The following DSCAM variants were observed in gnomAD, a reference collection of about 807,000 sequenced individuals.
DSCAM encodes the protein DS cell adhesion molecule.
DSCAM carries 47 observed loss-of-function variants against 217.7 expected under a neutral mutation model. The ratio of observed to expected loss-of-function variants is 0.22; its 90% CI spans 0.17 to 0.28. DSCAM has a LOEUF of 0.28. Ranked by LOEUF, DSCAM falls within the 10% of genes least tolerant of loss-of-function variation. The probability of loss-of-function intolerance (pLI) is 1.00; values close to 1 mark genes in which losing one functional copy is unlikely to be tolerated. For synonymous variants in DSCAM, 1,056 were observed against 1,015.3 expected (o/e 1.04, Z -0.76); for missense variants, 2,080 against 2,618.3 (o/e 0.79, Z 4.49).
At chr21:40,197,702 C>T (rs938021519) in intron 11 of DSCAM, among the ~76,000 whole-genome samples, 5 of 152,098 alleles carry the variant, frequency 3.3e-5, no homozygotes, top group Non-Finnish European at 5.9e-5. Flanking sequence ...TAGTTAATAA[C>T]GCATCTGTCC....
chr21:40,342,537 TCA>T (rs2074504256), intron 6 of DSCAM, among the ~76,000 whole-genome samples: 1 of 150,760 alleles, frequency 6.6e-6, no homozygotes, highest in East Asian at 1.9e-4. Flanking sequence ...GGATTAATAC[TCA>T]TTTTTTTGCC....
intron 1 of DSCAM, among the ~76,000 whole-genome samples, chr21:40,845,724 T>C (rs532280734): frequency 7.8e-4 from 119 of 152,288 alleles, no homozygotes; most frequent in African/African-American, 2.6e-3. Context: ...GAAATGGGAA[T>C]TTAAGCCGTA....
chr21:40,149,509 T>C (rs74432572), intron 16 of DSCAM, among the ~76,000 whole-genome samples: 5 of 62,054 alleles, frequency 8.1e-5, no homozygotes, highest in Non-Finnish European at 1.7e-4. Context: ...ACAACATCCA[T>C]CACTCCATCA....
intron 1 of DSCAM, among the ~76,000 whole-genome samples, chr21:40,765,715 G>A (rs1029521614): frequency 1.3e-5 from 2 of 152,184 alleles, no homozygotes; most frequent in African/African-American, 4.8e-5. Flanking sequence ...TTGCTAGTAA[G>A]AGGCCAATTA....
At chr21:40,593,581 A>C (rs1304847557) in intron 3 of DSCAM, among the ~76,000 whole-genome samples, 1 of 152,172 alleles carries the variant, frequency 6.6e-6, no homozygotes, top group Admixed American at 6.5e-5. Context: ...CCTGACCTCA[A>C]GTGATCCACC....
At chr21:40,645,561 T>C (rs73218223) in intron 3 of DSCAM, among the ~76,000 whole-genome samples, 6,049 of 152,162 alleles carry the variant, frequency 0.04, 246 homozygotes, top group East Asian at 0.17. Context: ...TAACTATAAG[T>C]AGTATGAGAA....
intron 3 of DSCAM, among the ~76,000 whole-genome samples, chr21:40,485,276 T>A (rs1452012808): frequency 6.8e-6 from 1 of 146,932 alleles, no homozygotes; most frequent in African/African-American, 2.6e-5. Context: ...AGCCTCGCTG[T>A]CGCCCAGGCT....
At chr21:40,039,602 T>C (rs186037170) in intron 32 of DSCAM, among the ~76,000 whole-genome samples, 2 of 152,322 alleles carry the variant, frequency 1.3e-5, no homozygotes, top group Admixed American at 1.3e-4. Context: ...GTATGTAGTA[T>C]TGAGTATTCA....
intron 3 of DSCAM, among the ~76,000 whole-genome samples, chr21:40,570,178 A>G (rs373013738): frequency 6.6e-6 from 1 of 152,178 alleles, no homozygotes; most frequent in African/African-American, 2.4e-5. Flanking sequence ...GCAGAAAGAG[A>G]TCTCCCACAG....
intron 15 of DSCAM, among the ~76,000 whole-genome samples, chr21:40,178,476 A>G (rs911065842): frequency 1.3e-5 from 2 of 152,184 alleles, no homozygotes; most frequent in Non-Finnish European, 2.9e-5. Context: ...CAATAAAATA[A>G]TCTGTTCCCC....
intron 32 of DSCAM, among the ~76,000 whole-genome samples, chr21:40,030,795 T>G (rs1308593612): frequency 6.6e-6 from 1 of 152,216 alleles, no homozygotes; most frequent in Non-Finnish European, 1.5e-5. Flanking sequence ...TTTCAGTGTC[T>G]TCTTAGTAAC....
At chr21:40,060,739 T>C (rs1454609729) in intron 28 of DSCAM, among the ~76,000 whole-genome samples, 1 of 152,228 alleles carries the variant, frequency 6.6e-6, no homozygotes, top group Admixed American at 6.5e-5. Flanking sequence ...ATTTTAAATG[T>C]CATCAACTAA....
At chr21:40,243,315 T>C (rs969062642) in intron 11 of DSCAM, among the ~76,000 whole-genome samples, 9 of 152,254 alleles carry the variant, frequency 5.9e-5, no homozygotes, top group African/African-American at 2.2e-4. Flanking sequence ...TGGGAGGGGA[T>C]GGATTGAGCA....
rs2076229114 is a variant in DSCAM, at chr21:40,508,738, TATATATATATATATATA to T, written c.509-139510_509-139494del. On this transcript the variant is annotated intron_variant, in intron 3 of 32. Coordinates refer to ENST00000400454, the MANE Select transcript of DSCAM (RefSeq NM_001389.5). ...TGCAAACCACCACACCCGGCAAATA[TATATATATATATATATA>T]TATATATATATATATATATATATAT... Among the ~76,000 whole-genome samples the T allele has an allele frequency of 1.7e-4, 3 of 17,286 alleles. 1 individual carries two copies. Among genetic ancestry groups the T allele is most frequent in the African/African-American group, 3.4e-4 (1 of 2,954 alleles). 11.3% of individuals were successfully genotyped at this position (17,286 alleles called of 152,430 possible).
chr21:40,425,625 C>T (rs2075466027), intron 3 of DSCAM, among the ~76,000 whole-genome samples: 1 of 142,144 alleles, frequency 7.0e-6, no homozygotes, highest in Non-Finnish European at 1.5e-5. Context: ...ACAGGAGAAT[C>T]GCTTGAACTC....
At chr21:40,637,642 A>T (rs868110589) in intron 3 of DSCAM, among the ~76,000 whole-genome samples, 14 of 43,746 alleles carry the variant, frequency 3.2e-4, no homozygotes, top group Admixed American at 1.4e-3. Flanking sequence ...AATATATATA[A>T]ATATATATCT....
At chr21:40,324,689 C>T (rs2074299161) in intron 8 of DSCAM, among the ~76,000 whole-genome samples, 1 of 152,150 alleles carries the variant, frequency 6.6e-6, no homozygotes, top group South Asian at 2.1e-4. Context: ...AGCAGGATGA[C>T]AGGTTATGTT....
chr21:40,821,069 CATATAGATCTTCACAT>C (rs1369852466), intron 1 of DSCAM, among the ~76,000 whole-genome samples: 1 of 91,824 alleles, frequency 1.1e-5, no homozygotes, highest in Admixed American at 1.1e-4. Context: ...TATATCTTCA[CATATAGATCTTCACAT>C]ATATAGAGAG....
chr21:40,158,708 A>G (rs1240767873), intron 16 of DSCAM, among the ~76,000 whole-genome samples: 1 of 152,210 alleles, frequency 6.6e-6, no homozygotes, highest in Non-Finnish European at 1.5e-5. Flanking sequence ...AGAAAAACAA[A>G]CCCTGTTTCC....
Sources: gnomAD v4.1 joint callset for allele counts (sites outside exome capture counted in the v4.1 genomes callset) on GRCh38, gnomAD v4.1.1 for gene constraint, MANE v1.5 for transcripts, NCBI Gene and HGNC (gene_info 2026-07-23, HGNC 2026-07-21) for gene names.